GREB1: variants seen among roughly 807,000 people sequenced by gnomAD.
GREB1 encodes protein GREB1.
GREB1 carries 106 observed loss-of-function variants against 200.7 expected under a neutral mutation model. That is an observed-to-expected ratio of 0.53 (90% CI 0.45 to 0.62). The LOEUF is 0.62. Among genes scored for constraint, GREB1 ranks in the 20% least tolerant of loss-of-function variants. The pLI is 0.00. For synonymous variants in GREB1, 1,132 were observed against 1,092.4 expected (o/e 1.04, Z -0.72); for missense variants, 2,243 against 2,556.8 (o/e 0.88, Z 2.65).
At chr2:11,562,639 G>A in intron 3 of GREB1, 57 bp downstream of exon 3, 9 of 1,511,724 alleles carry the variant, frequency 6.0e-6, no homozygotes, top group Non-Finnish European at 8.0e-6. Context: ...CGGAGGCAGT[G>A]GCCAGGCGGG....
intron 1 of GREB1, among the ~76,000 whole-genome samples, chr2:11,554,840 A>G (rs1193530500): frequency 6.6e-6 from 1 of 152,240 alleles, no homozygotes. Context: ...TCAAAAGTAG[A>G]GTTTCTAAAG....
intron 4 of GREB1, among the ~76,000 whole-genome samples, chr2:11,573,893 T>C (rs1051497100): frequency 1.3e-5 from 2 of 152,256 alleles, no homozygotes; most frequent in African/African-American, 4.8e-5. Context: ...CCTGCTTAGC[T>C]GTCTCTGGAG....
intron 21 of GREB1, among the ~76,000 whole-genome samples, chr2:11,617,743 T>C (rs1257284594): frequency 1.3e-5 from 2 of 152,114 alleles, no homozygotes; most frequent in Non-Finnish European, 2.9e-5. Context: ...GGGGTGTGCC[T>C]AGCTGTGGCT....
rs760195039 is a variant in GREB1 at position 11,592,824 on chromosome 2, G to C, written c.1394G>C (p.Arg465Pro). ...LMEDLEQIFL[R>P]SWRESHLTEI... ...GAGGACCTGGAGCAGATCTTCCTGC[G>C]CTCTTGGCGCGAGTCGCACCTGACC... Residue 465 changes from arginine (R) to proline (P), a missense_variant, in exon 11 of 33, where the codon CGC becomes CCC. By Grantham distance (103) the Arg-to-Pro change is moderately radical. Transcript: ENST00000381486. 6.3e-7 allele frequency: 1 copy of C among 1,585,342 alleles called. No individual in the cohort carries two copies. The highest frequency in any genetic ancestry group is 8.5e-7 in the Non-Finnish European group (1 of 1,170,774).
rs770269118 is a variant in GREB1, at chr2:11,580,064, G to C, written c.773-640G>C. 6.6e-6 allele frequency among the ~76,000 whole-genome samples: 1 copy of C among 152,192 alleles called. No homozygotes were observed. Among genetic ancestry groups the C allele is most frequent in the Non-Finnish European group, 1.5e-5 (1 of 68,042 alleles). ...ACGTCTTACATGATGGCAGTCAAGAGAGCATGTGCAGGGGAACTGCCCTTT... is the reference window on the plus strand; with the variant it reads ...ACGTCTTACATGATGGCAGTCAAGACAGCATGTGCAGGGGAACTGCCCTTT... On this transcript the variant is annotated intron_variant, in intron 6 of 32. Coordinates refer to ENST00000381486, the MANE Select transcript of GREB1 (RefSeq NM_014668.4). The surrounding 1 kb of genome is among the most constrained non-coding windows in gnomAD (Gnocchi z 4.5).
rs1426131945 is a variant in GREB1 at position 11,548,129 on chromosome 2, A to G, written c.-161-8325A>G. On this transcript the variant is annotated intron_variant, in intron 1 of 32. Transcript: ENST00000381486. This position sits in a 1 kb window ranked among gnomAD's most constrained non-coding sequence, Gnocchi z 5.1. The stretch of plus-strand genomic sequence containing the variant: ...GGAGTTGAGGCTACAGTGAGCTGTG[A>G]CTGCACCACTGCACTACAGCTGGGC... Among the ~76,000 whole-genome samples the G allele has an allele frequency of 5.9e-5, 9 of 151,820 alleles. No individual in the cohort carries two copies. The highest frequency in any genetic ancestry group is 1.2e-4 in the Non-Finnish European group (8 of 67,954).
Position 11,635,371 on chromosome 2 carries a change from T to C in GREB1, c.5312T>C (p.Val1771Ala). 6.2e-7 allele frequency: 1 copy of C among 1,613,604 alleles called. No individual in the cohort carries two copies. Among genetic ancestry groups the C allele is most frequent in the Non-Finnish European group, 8.5e-7 (1 of 1,179,744 alleles). ...RFSVMKKQIV[V>A]GGHRSFHITS... Reference sequence around the variant, plus strand: ...AGCGTGATGAAGAAGCAGATCGTGGTGGGCGGCCACAGGTCCTTCCACATC... The same window carrying C: ...AGCGTGATGAAGAAGCAGATCGTGGCGGGCGGCCACAGGTCCTTCCACATC... Residue 1771 changes from valine to alanine, a missense_variant, in exon 30 of 33, where the codon GTG becomes GCG. Coordinates refer to ENST00000381486, the MANE Select transcript of GREB1 (RefSeq NM_014668.4).
rs529358733 is a variant in GREB1, at chr2:11,635,460, C to T, written c.5346+55C>T. ...ATGTCCACCGCCTGGGCCGCCCTGG[C>T]ACACACACTGAGGGTAGGAGCCATT... is the stretch of plus-strand genomic sequence containing the variant. On this transcript the variant is annotated intron_variant, in intron 30 of 32. Transcript: ENST00000381486. The T allele has an allele frequency of 4.0e-5, 62 of 1,555,464 alleles. No homozygotes were observed. In the African/African-American group the frequency reaches 6.4e-4, roughly 16 times the overall value.
chr2:11,550,801 A>G (rs1448616232), intron 1 of GREB1, among the ~76,000 whole-genome samples: 1 of 152,064 alleles, frequency 6.6e-6, no homozygotes, highest in East Asian at 1.9e-4. Flanking sequence ...GGGTCCTTAT[A>G]CCTGCACATT....
At chr2:11,638,907 A>T in intron 32 of GREB1, 98 bp downstream of exon 32, 1 of 1,252,626 alleles carries the variant, frequency 8.0e-7, no homozygotes, top group Non-Finnish European at 1.1e-6. Context: ...TTATTTGCCC[A>T]TGGGTAAACT....
At chr2:11,505,813 C>T (rs1000169361) in intron 1 of GREB1, among the ~76,000 whole-genome samples, 17 of 151,914 alleles carry the variant, frequency 1.1e-4, no homozygotes, top group African/African-American at 4.1e-4. Flanking sequence ...CACCACTGCA[C>T]TCCAGCCTGG....
chr2:11,625,150 G>A lies in GREB1; in HGVS notation c.4148-4G>A. The A allele has an allele frequency of 1.9e-6, 3 of 1,610,984 alleles. No homozygotes were observed. The highest frequency in any genetic ancestry group is 2.2e-5 in the South Asian group (2 of 90,910). ...TCACATCTATGTTTCTACCAATCTT[G>A]TAGACCTCAGAGAAGAATCTGACTG... On this transcript the variant is annotated splice_region_variant and splice_polypyrimidine_tract_variant and intron_variant, in intron 23 of 32. Coordinates refer to ENST00000381486, the MANE Select transcript of GREB1 (RefSeq NM_014668.4).
At chr2:11,513,143 T>C (rs79597441) in intron 1 of GREB1, among the ~76,000 whole-genome samples, 3,003 of 152,320 alleles carry the variant, frequency 0.02, 101 homozygotes, top group African/African-American at 0.068. Flanking sequence ...TGTAAGCAGG[T>C]CTGCTACGGT....
intron 1 of GREB1, among the ~76,000 whole-genome samples, chr2:11,538,957 C>CCCTCCCCTCCTGTCCCCTCCCCTCT (rs1674504946): frequency 1.2e-5 from 1 of 80,474 alleles, no homozygotes; most frequent in Non-Finnish European, 2.6e-5. Context: ...GTGTCCCCTC[C>CCCTCCCCTCCTGTCCCCTCCCCTCT]CCTCCTCTCC....
chr2:11,559,147 G>C (rs1360016991), intron 2 of GREB1, among the ~76,000 whole-genome samples: 1 of 152,184 alleles, frequency 6.6e-6, no homozygotes, highest in Non-Finnish European at 1.5e-5. Context: ...CAGTAGCCTT[G>C]TACGGAATGG....
chr2:11,522,936 C>T (rs1042090881), intron 1 of GREB1, among the ~76,000 whole-genome samples: 1 of 152,190 alleles, frequency 6.6e-6, no homozygotes, highest in Non-Finnish European at 1.5e-5. Context: ...CATCTTCTTG[C>T]AGCACTATTC....
At chr2:11,483,331 T>C (rs890022162) in intron 1 of GREB1, among the ~76,000 whole-genome samples, 1 of 127,088 alleles carries the variant, frequency 7.9e-6, no homozygotes, top group African/African-American at 2.9e-5. Context: ...TGCGCGCGCG[T>C]GTGTGTGTGT....
Position 11,501,895 on chromosome 2 carries a change from GTTTTTTTTTGTTT to G in GREB1, c.-159+19524_-159+19536del, listed in dbSNP as rs1441749523. On this transcript the variant is annotated intron_variant, in intron 1 of 2. Transcript: ENST00000628795. ...TTACTTATTAGAGCCTGGATTTCCT[GTTTTTTTTTGTTT>G]TTTTTTTTTTTTTTTTTTTTTTTTT... Among the ~76,000 whole-genome samples the G allele has an allele frequency of 4.3e-3, 194 of 45,520 alleles. 15 individuals are homozygous for G. The highest frequency in any genetic ancestry group is 0.016 in the African/African-American group (175 of 11,202). The allele number at this position is 45,520 out of a possible 152,430, so 29.9% of individuals were successfully genotyped here.
At chr2:11,556,008 A>G (rs1025785599) in intron 1 of GREB1, among the ~76,000 whole-genome samples, 16 of 152,232 alleles carry the variant, frequency 1.1e-4, no homozygotes, top group South Asian at 6.2e-4. Flanking sequence ...TGTGATTTCC[A>G]GGTTTTCCAG....
Sources: allele counts gnomAD v4.1 joint callset (sites outside exome capture counted in the v4.1 genomes callset), GRCh38; gene constraint gnomAD v4.1.1; non-coding constraint Gnocchi (gnomAD v3.1); transcripts MANE v1.5; gene names NCBI Gene and HGNC (gene_info 2026-07-23, HGNC 2026-07-21).